Variants in IP6K1 observed in about 807,000 individuals in gnomAD.
IP6K1 encodes the protein ATP:1D-myo-inositol-hexakisphosphate phosphotransferase.
Under a neutral mutation model 38.3 loss-of-function variants are expected in IP6K1, and 13 were observed. The ratio of observed to expected loss-of-function variants is 0.34; its 90% CI spans 0.22 to 0.54. IP6K1 has a LOEUF of 0.54. Among genes scored for constraint, IP6K1 ranks in the 20% least tolerant of loss-of-function variants. IP6K1 has a pLI of 0.92. For missense variants in IP6K1, 397 were observed against 599.8 expected (o/e 0.66, Z 3.53); for synonymous variants, 212 against 229.9 (o/e 0.92, Z 0.70).
intron 2 of IP6K1, among the ~76,000 whole-genome samples, chr3:49,745,059 T>C (rs1402792502): frequency 1.3e-5 from 2 of 151,898 alleles, no homozygotes; most frequent in African/African-American, 4.8e-5. Flanking sequence ...GACCATCTAC[T>C]AGATGCCAGG....
intron 1 of IP6K1, among the ~76,000 whole-genome samples, chr3:49,778,508 C>G (rs1040283165): frequency 6.6e-6 from 1 of 151,066 alleles, no homozygotes; most frequent in Non-Finnish European, 1.5e-5. Flanking sequence ...TGGTAGGTGC[C>G]TGTAATCCCA....
intron 1 of IP6K1, among the ~76,000 whole-genome samples, chr3:49,756,838 A>AAAAAAAAAAAAAAAAAAAAG (rs1559710132): frequency 8.4e-6 from 1 of 119,172 alleles, no homozygotes; most frequent in Non-Finnish European, 1.7e-5. Context: ...AAAAAAAAAA[A>AAAAAAAAAAAAAAAAAAAAG]AAAGAAAAAA....
At chr3:49,756,482 G>A (rs940031710) in intron 1 of IP6K1, among the ~76,000 whole-genome samples, 6 of 152,128 alleles carry the variant, frequency 3.9e-5, no homozygotes, top group African/African-American at 1.2e-4. Context: ...CAGAACTGAC[G>A]TTCAAAGTGA....
intron 1 of IP6K1, among the ~76,000 whole-genome samples, chr3:49,758,092 G>A (rs1033798232): frequency 6.6e-6 from 1 of 151,886 alleles, no homozygotes; most frequent in Non-Finnish European, 1.5e-5. Context: ...GGTGGATCAC[G>A]AGGTCAGGAG....
At chr3:49,773,735 G>C (rs1312182653) in intron 1 of IP6K1, among the ~76,000 whole-genome samples, 1 of 152,096 alleles carries the variant, frequency 6.6e-6, no homozygotes, top group African/African-American at 2.4e-5. Context: ...TTTAATTTTT[G>C]CTGCACTGTC....
chr3:49,780,027 C>T (rs1436736171), intron 1 of IP6K1, among the ~76,000 whole-genome samples: 1 of 152,038 alleles, frequency 6.6e-6, no homozygotes, highest in African/African-American at 2.4e-5. Flanking sequence ...TGCTCTTATT[C>T]ATCAACATTG....
chr3:49,768,034 TA>T (rs140063422), intron 1 of IP6K1, among the ~76,000 whole-genome samples: 1,874 of 121,576 alleles, frequency 0.015, 26 homozygotes, highest in South Asian at 0.047. Context: ...ATCCAAGTTA[TA>T]AAAAAAAAAA....
At chr3:49,731,243 G>A (rs1018279899) in intron 4 of IP6K1, among the ~76,000 whole-genome samples, 2 of 152,034 alleles carry the variant, frequency 1.3e-5, no homozygotes, top group African/African-American at 4.8e-5. Flanking sequence ...GAACTTTTGT[G>A]TAAAGGTACA....
chr3:49,756,208 C>G, intron 1 of IP6K1, among the ~76,000 whole-genome samples: 1 of 152,088 alleles, frequency 6.6e-6, no homozygotes, highest in East Asian at 1.9e-4. Flanking sequence ...GGCCACCTGG[C>G]TAAGAACAAA....
intron 1 of IP6K1, among the ~76,000 whole-genome samples, chr3:49,763,255 C>T (rs1390803356): frequency 6.7e-6 from 1 of 148,856 alleles, no homozygotes; most frequent in Non-Finnish European, 1.5e-5. Flanking sequence ...AGGCGCCCGC[C>T]ACACACCCGG....
intron 1 of IP6K1, among the ~76,000 whole-genome samples, chr3:49,756,618 G>T (rs775162371): frequency 7.9e-5 from 12 of 152,062 alleles, no homozygotes; most frequent in Non-Finnish European, 1.3e-4. Context: ...AGGAGTTCGA[G>T]ACCAGTCTGA....
intron 5 of IP6K1, 32 bp downstream of exon 5, chr3:49,728,071 C>T: frequency 6.3e-7 from 1 of 1,591,298 alleles, no homozygotes; most frequent in Non-Finnish European, 8.6e-7. Context: ...ATGCAAGTGG[C>T]AGCACCTAGG....
chr3:49,739,392 C>T (rs1360907227), intron 2 of IP6K1, among the ~76,000 whole-genome samples: 4 of 140,846 alleles, frequency 2.8e-5, no homozygotes, highest in South Asian at 2.2e-4. Context: ...CTCGCTCTGT[C>T]GCCCAGGCTG....
chr3:49,724,654 G>C lies in IP6K1; in HGVS notation c.*2468C>G. 6.5e-6 allele frequency: 1 copy of C among 152,676 alleles called. No individual in the cohort carries two copies. The highest frequency in any genetic ancestry group is 1.5e-5 in the Non-Finnish European group (1 of 68,072). 9.5% of individuals were successfully genotyped at this position (152,676 alleles called of 1,614,324 possible). ...ACAGCTTTAAAGTTCAAAGCAGTCT[G>C]CATCTAGGGAACGTGCATGTGGTCA... On this transcript the variant is annotated 3_prime_UTR_variant, in exon 6 of 6. Coordinates refer to ENST00000321599, the MANE Select transcript of IP6K1 (RefSeq NM_153273.4).
At chr3:49,751,546 G>A (rs928239187) in intron 1 of IP6K1, among the ~76,000 whole-genome samples, 4 of 152,060 alleles carry the variant, frequency 2.6e-5, no homozygotes, top group South Asian at 2.1e-4. Flanking sequence ...TGAGAAGGCC[G>A]TAGATGATGA....
Position 49,726,691 on chromosome 3 carries a change from G to T in IP6K1, c.*431C>A. 4.6e-6 allele frequency: 1 copy of T among 218,388 alleles called. No individual in the cohort carries two copies. Among genetic ancestry groups the T allele is most frequent in the Non-Finnish European group, 8.9e-6 (1 of 112,082 alleles). The allele number at this position is 218,388 out of a possible 1,614,324, so 13.5% of individuals were successfully genotyped here. On this transcript the variant is annotated 3_prime_UTR_variant, in exon 6 of 6. Coordinates refer to ENST00000321599, the MANE Select transcript of IP6K1 (RefSeq NM_153273.4). Reference sequence around the variant, plus strand: ...AAAGCCCCCAAGAAATGGGCACCCAGAGCCCTCTACTTCTGGGGAACAAGG... The same window carrying T: ...AAAGCCCCCAAGAAATGGGCACCCATAGCCCTCTACTTCTGGGGAACAAGG...
chr3:49,728,515 C>CATTT (rs10632976), intron 4 of IP6K1: 276,152 of 506,132 alleles, frequency 0.55, 78,918 homozygotes, highest in East Asian at 0.79. Flanking sequence ...GCATGAAGTA[C>CATTT]ATTTACTTTG....
chr3:49,726,766 A>T lies in IP6K1; in HGVS notation c.*356T>A, dbSNP rs965732603. Reference sequence around the variant, plus strand: ...GCACCAGCCCAGGGCTTTACCTTACAATCAGCAGGGCCCTGCAGCCACAGA... The same window carrying T: ...GCACCAGCCCAGGGCTTTACCTTACTATCAGCAGGGCCCTGCAGCCACAGA... On this transcript the variant is annotated 3_prime_UTR_variant, in exon 6 of 6. Transcript: ENST00000321599. The T allele has an allele frequency of 3.7e-5, 13 of 354,218 alleles. No individual in the cohort carries two copies. Among genetic ancestry groups the T allele is most frequent in the Non-Finnish European group, 6.1e-5 (12 of 197,660 alleles). 21.9% of individuals were successfully genotyped at this position (354,218 alleles called of 1,614,324 possible). A position where few individuals can be genotyped will look rare whatever the true frequency, so the allele number is the denominator to read the frequency against.
At chr3:49,744,711 C>G (rs879887694) in intron 2 of IP6K1, among the ~76,000 whole-genome samples, 3 of 152,072 alleles carry the variant, frequency 2.0e-5, no homozygotes, top group Non-Finnish European at 2.9e-5. Context: ...TTAGAAAACT[C>G]AGGATTTGGT....
Sources: allele counts gnomAD v4.1 joint callset (sites outside exome capture counted in the v4.1 genomes callset), GRCh38; gene constraint gnomAD v4.1.1; transcripts MANE v1.5; gene names NCBI Gene and HGNC (gene_info 2026-07-23, HGNC 2026-07-21).